CTNNA1: variants seen among roughly 807,000 people sequenced by gnomAD.
CTNNA1 encodes the protein catenin alpha-1.
A neutral mutation model predicts 98.4 loss-of-function variants in CTNNA1; 37 were observed. The observed-to-expected ratio is 0.38, with a 90% CI of 0.29 to 0.49. The LOEUF is 0.49. Among genes scored for constraint, CTNNA1 ranks in the 20% least tolerant of loss-of-function variants. The probability of loss-of-function intolerance (pLI) is 0.95; values close to 1 mark genes in which losing one functional copy is unlikely to be tolerated. For synonymous variants in CTNNA1, 404 were observed against 413.2 expected, an observed-to-expected ratio of 0.98 and a Z score of 0.27; for missense variants, 761 against 1,147.2, an observed-to-expected ratio of 0.66 and a Z score of 4.86.
chr5:138,933,742 C>G, intron 17 of CTNNA1, 60 bp from the exon 18 acceptor site: 2 of 1,563,812 alleles, frequency 1.3e-6, no homozygotes, highest in Admixed American at 3.5e-5. Flanking sequence ...CACAGCCCAC[C>G]TGTGTCCACG....
intron 7 of CTNNA1, among the ~76,000 whole-genome samples, chr5:138,878,216 A>G (rs1752083016): frequency 1.3e-5 from 2 of 152,170 alleles, no homozygotes; most frequent in Non-Finnish European, 2.9e-5. Context: ...GTCACCAGCC[A>G]TCTTTCTCAC....
At position 138,780,674 on chromosome 5, in the gene CTNNA1, G is replaced by A. The variant is rs142507060; in HGVS notation, c.-2-1249G>A. 2.9e-4 allele frequency among the ~76,000 whole-genome samples: 44 copies of A among 151,950 alleles called. No individual in the cohort carries two copies. The East Asian group carries it at 8.3e-3, about 29-fold the overall frequency. ...CTGGGATTACAGGCGTGCACCACCA[G>A]CCTGGCTAATTTTGTATTTTTAGTA... On this transcript the variant is annotated intron_variant, in intron 1 of 17. Transcript: ENST00000302763.
intron 3 of CTNNA1, among the ~76,000 whole-genome samples, chr5:138,784,749 G>T (rs180880204): frequency 6.6e-6 from 1 of 152,304 alleles, no homozygotes; most frequent in Admixed American, 6.5e-5. Context: ...ATCTGTGGAT[G>T]CCTCTTTCCT....
chr5:138,833,406 T>G (rs1288603041), intron 7 of CTNNA1, among the ~76,000 whole-genome samples: 1 of 152,220 alleles, frequency 6.6e-6, no homozygotes, highest in Admixed American at 6.5e-5. Context: ...TTGCTGTAAG[T>G]ACATCAGATT....
chr5:138,759,745 C>T (rs545816275), intron 1 of CTNNA1, among the ~76,000 whole-genome samples: 20 of 152,216 alleles, frequency 1.3e-4, no homozygotes, highest in African/African-American at 3.6e-4. Flanking sequence ...GTTGTCTGCC[C>T]GTGGCTGGGG....
chr5:138,857,426 C>G (rs1763825052), intron 7 of CTNNA1, among the ~76,000 whole-genome samples: 1 of 152,156 alleles, frequency 6.6e-6, no homozygotes, highest in Non-Finnish European at 1.5e-5. Flanking sequence ...TATTGAAATC[C>G]TGCTGTTCCT....
At chr5:138,908,946 C>G (rs1034287914) in intron 10 of CTNNA1, among the ~76,000 whole-genome samples, 12 of 152,082 alleles carry the variant, frequency 7.9e-5, no homozygotes, top group African/African-American at 2.4e-4. Flanking sequence ...GAATCTGTAC[C>G]CTTTGTATCC....
chr5:138,822,603 C>A (rs1760150177), intron 5 of CTNNA1, among the ~76,000 whole-genome samples: 1 of 152,188 alleles, frequency 6.6e-6, no homozygotes, highest in South Asian at 2.1e-4. Flanking sequence ...AACATGTGCA[C>A]CAGCTGTTTA....
At position 138,874,634 on chromosome 5, in the gene CTNNA1, C is replaced by A. The variant is rs1317171654; in HGVS notation, c.1063-11578C>A. The A allele has an allele frequency of 3.4e-6, 3 of 892,504 alleles. No individual in the cohort carries two copies. The highest frequency in any genetic ancestry group is 1.7e-5 in the African/African-American group (1 of 59,126). 55.3% of individuals were successfully genotyped at this position (892,504 alleles called of 1,614,324 possible). Reference sequence around the variant, plus strand: ...CATATGGGCTATTTAAAAAAAACAACCACCACCAACATTATAGCAAAAGAT... The same window carrying A: ...CATATGGGCTATTTAAAAAAAACAAACACCACCAACATTATAGCAAAAGAT... On this transcript the variant is annotated intron_variant, in intron 7 of 17. Coordinates refer to ENST00000302763, the MANE Select transcript of CTNNA1 (RefSeq NM_001903.5). This position sits in a 1 kb window ranked among gnomAD's most constrained non-coding sequence, Gnocchi z 4.1.
chr5:138,779,707 G>GTTT (rs1239025258), intron 1 of CTNNA1, among the ~76,000 whole-genome samples: 6 of 68,024 alleles, frequency 8.8e-5, no homozygotes, highest in Admixed American at 3.4e-4. Context: ...GATAACACTG[G>GTTT]TTTTTTTTTG....
chr5:138,856,742 C>T (rs1290879747), intron 7 of CTNNA1, among the ~76,000 whole-genome samples: 1 of 152,134 alleles, frequency 6.6e-6, no homozygotes, highest in Admixed American at 6.5e-5. Context: ...GTGGATTTTA[C>T]TAGGGTAAAT....
chr5:138,893,585 A>G (rs1324933248), intron 9 of CTNNA1, among the ~76,000 whole-genome samples: 1 of 150,336 alleles, frequency 6.7e-6, no homozygotes, highest in Middle Eastern at 3.2e-3. Flanking sequence ...TTTTTATTTT[A>G]TTTATTTATT....
intron 9 of CTNNA1, among the ~76,000 whole-genome samples, chr5:138,899,434 G>C (rs1035737940): frequency 6.6e-6 from 1 of 152,148 alleles, no homozygotes; most frequent in South Asian, 2.1e-4. Context: ...GCCAGCTTTT[G>C]ATTAGAATTT....
chr5:138,861,262 T>G (rs559367666), intron 7 of CTNNA1, among the ~76,000 whole-genome samples: 1 of 152,216 alleles, frequency 6.6e-6, no homozygotes, highest in South Asian at 2.1e-4. Context: ...CTCAGGTGAT[T>G]TGCCCACTTC....
chr5:138,779,843 G>T (rs1289076696), intron 1 of CTNNA1, among the ~76,000 whole-genome samples: 3 of 151,844 alleles, frequency 2.0e-5, no homozygotes. Flanking sequence ...AGCCTCCTGA[G>T]CAGCTGGGAT....
Position 138,934,715 on chromosome 5 carries a change from G to A in CTNNA1, c.*626G>A, listed in dbSNP as rs1200749071. Reference sequence around the variant, plus strand: ...AATAAAGTTGCTTTTTTAGGCTACAGTGTCTCGATGCCATAATCAGAACAC... The same window carrying A: ...AATAAAGTTGCTTTTTTAGGCTACAATGTCTCGATGCCATAATCAGAACAC... On this transcript the variant is annotated 3_prime_UTR_variant, in exon 18 of 18. Transcript: ENST00000302763. The A allele has an allele frequency of 6.5e-6, 1 of 152,756 alleles. No individual in the cohort carries two copies. The highest frequency in any genetic ancestry group is 2.4e-5 in the African/African-American group (1 of 41,450). The allele number at this position is 152,756 out of a possible 1,614,324, so 9.5% of individuals were successfully genotyped here. A position where few individuals can be genotyped will look rare whatever the true frequency, so the allele number is the denominator to read the frequency against.
intron 9 of CTNNA1, among the ~76,000 whole-genome samples, chr5:138,897,294 A>ACCCCCCACCCCCC (rs1757041779): frequency 6.1e-5 from 1 of 16,388 alleles, no homozygotes; most frequent in Non-Finnish European, 1.1e-4. Context: ...CTCACACCGC[A>ACCCCCCACCCCCC]CCCCCCCCCC....
rs1208768237 is a variant in CTNNA1, at chr5:138,844,136, A to G, written c.1062+16418A>G. On this transcript the variant is annotated intron_variant, in intron 7 of 17. Transcript: ENST00000302763. Reference sequence around the variant, plus strand: ...AGAATGGCCACTCCATAGGCAGAGCATTTTAAAAATTTAAAAATTTTTAAA... The same window carrying G: ...AGAATGGCCACTCCATAGGCAGAGCGTTTTAAAAATTTAAAAATTTTTAAA... 5.9e-5 allele frequency among the ~76,000 whole-genome samples: 9 copies of G among 151,748 alleles called. 1 individual carries two copies. Among genetic ancestry groups the G allele is most frequent in the South Asian group, 4.2e-4 (2 of 4,818 alleles).
intron 3 of CTNNA1, among the ~76,000 whole-genome samples, chr5:138,785,294 C>G (rs1755558777): frequency 1.3e-5 from 2 of 151,908 alleles, no homozygotes; most frequent in African/African-American, 4.8e-5. Flanking sequence ...ATCTCCTGAC[C>G]TCGTGATCCG....
Sources: gnomAD v4.1 joint callset for allele counts (sites outside exome capture counted in the v4.1 genomes callset) on GRCh38, gnomAD v4.1.1 for gene constraint, Gnocchi (gnomAD v3.1) non-coding constraint, MANE v1.5 for transcripts, NCBI Gene and HGNC (gene_info 2026-07-23, HGNC 2026-07-21) for gene names.